The following CHD9 variants were observed in gnomAD, a reference collection of about 807,000 sequenced individuals.
CHD9 encodes the protein chromodomain helicase DNA binding protein 9, also known as ATP-dependent chromatin remodeler CHD9.
A neutral mutation model predicts 316.1 loss-of-function variants in CHD9; 77 were observed. That is an observed-to-expected ratio of 0.24 (90% CI 0.20 to 0.29). CHD9 has a LOEUF of 0.29. Ranked by LOEUF, CHD9 falls within the 10% of genes least tolerant of loss-of-function variation. CHD9 has a pLI of 1.00. For synonymous variants in CHD9, 1,129 were observed against 1,158.3 expected (o/e 0.97, Z 0.51); for missense variants, 2,763 against 3,438.1 (o/e 0.80, Z 4.91).
intron 1 of CHD9, among the ~76,000 whole-genome samples, chr16:53,148,318 T>C (rs1444805475): frequency 6.6e-6 from 1 of 152,244 alleles, no homozygotes; most frequent in Non-Finnish European, 1.5e-5. Flanking sequence ...GTCAGCTCAC[T>C]GCAGCCTTGG....
chr16:53,222,659 A>G lies in CHD9; in HGVS notation c.1800A>G (p.Thr600=), dbSNP rs371910318. ...EKTKIGKLII[T]LGKKQKRKNE... is the part of the protein sequence containing the mutation. ...CTTGAAACAGCAAACTCATTATTAC[A>G]TTGGGTAAGAAACAAAAAAGAAAGA... Residue 600 remains threonine (T), a synonymous_variant, in exon 4 of 39, where the codon ACA becomes ACG. Coordinates refer to ENST00000447540, the MANE Select transcript of CHD9 (RefSeq NM_001308319.2). 7.2e-6 allele frequency: 11 copies of G among 1,519,986 alleles called. No homozygotes were observed. Among genetic ancestry groups the G allele is most frequent in the Non-Finnish European group, 9.0e-6 (10 of 1,106,346 alleles). 94.2% of individuals were successfully genotyped at this position (1,519,986 alleles called of 1,614,324 possible). A position where few individuals can be genotyped will look rare whatever the true frequency, so the allele number is the denominator to read the frequency against.
chr16:53,116,866 A>T (rs551119614), intron 1 of CHD9, among the ~76,000 whole-genome samples: 1 of 152,234 alleles, frequency 6.6e-6, no homozygotes, highest in African/African-American at 2.4e-5. Context: ...AGTGTGGTAC[A>T]TTTAAACCAT....
chr16:53,152,432 T>C (rs2041196770), intron 1 of CHD9, among the ~76,000 whole-genome samples: 1 of 152,200 alleles, frequency 6.6e-6, no homozygotes, highest in Non-Finnish European at 1.5e-5. Flanking sequence ...GGCATCACTC[T>C]CTCATGCTTG....
Position 53,109,975 on chromosome 16 carries a change from C to T in CHD9, c.-164-45951C>T, listed in dbSNP as rs142952636. ...CTGGGATTACAGGCGTGAGCCACTG[C>T]GCCCGGCCTGGATTCCCAGTTTCTA... On this transcript the variant is annotated intron_variant, in intron 1 of 38. Coordinates refer to ENST00000447540, the MANE Select transcript of CHD9 (RefSeq NM_001308319.2). 2.9e-3 allele frequency among the ~76,000 whole-genome samples: 449 copies of T among 152,252 alleles called. 5 individuals are homozygous for T. Among genetic ancestry groups the T allele is most frequent in the African/African-American group, 0.01 (431 of 41,558 alleles).
intron 24 of CHD9, among the ~76,000 whole-genome samples, chr16:53,282,342 A>T (rs980706568): frequency 4.6e-5 from 7 of 152,174 alleles, no homozygotes; most frequent in African/African-American, 1.7e-4. Context: ...GTTCACAGTG[A>T]CCAGTCCTGT....
At chr16:53,263,211 TA>T (rs1314232529) in intron 20 of CHD9, 114 bp downstream of exon 20, 2 of 665,062 alleles carry the variant, frequency 3.0e-6, no homozygotes, top group African/African-American at 3.7e-5. Flanking sequence ...TCTAGATATA[TA>T]AATTGAAGTA....
At chr16:53,253,572 C>G (rs986478511) in intron 17 of CHD9, among the ~76,000 whole-genome samples, 1 of 151,904 alleles carries the variant, frequency 6.6e-6, no homozygotes, top group African/African-American at 2.4e-5. Flanking sequence ...ACCACCTGTA[C>G]CCCAATAACT....
At chr16:53,184,827 T>C (rs1456834972) in intron 2 of CHD9, among the ~76,000 whole-genome samples, 1 of 152,134 alleles carries the variant, frequency 6.6e-6, no homozygotes, top group African/African-American at 2.4e-5. Flanking sequence ...TCTGGTGATA[T>C]TGAGTTAGTT....
At chr16:53,149,775 G>T (rs1477925426) in intron 1 of CHD9, among the ~76,000 whole-genome samples, 2 of 124,278 alleles carry the variant, frequency 1.6e-5, no homozygotes, top group Non-Finnish European at 3.6e-5. Flanking sequence ...TCCCAGGCAG[G>T]TCTTGAACTC....
intron 1 of CHD9, among the ~76,000 whole-genome samples, chr16:53,105,052 A>T (rs1454470579): frequency 6.6e-6 from 1 of 152,090 alleles, no homozygotes; most frequent in Non-Finnish European, 1.5e-5. Context: ...CTAATTGCCC[A>T]GCCTGGTCTT....
At chr16:53,180,548 T>C (rs571254704) in intron 2 of CHD9, among the ~76,000 whole-genome samples, 3 of 152,200 alleles carry the variant, frequency 2.0e-5, no homozygotes, top group Non-Finnish European at 4.4e-5. Flanking sequence ...AAGAGACTTA[T>C]TGAAATGTAG....
At position 53,065,076 on chromosome 16, in the gene CHD9, G is replaced by T. The variant is rs1204270422; in HGVS notation, c.-165+9999G>T. Among the ~76,000 whole-genome samples the T allele has an allele frequency of 2.0e-5, 3 of 151,966 alleles. No homozygotes were observed. The East Asian group carries it at 5.8e-4, about 29-fold the overall frequency. On this transcript the variant is annotated intron_variant, in intron 1 of 38. Transcript: ENST00000447540. ...CAGTCTGAAACCTCCATGCTGACTT[G>T]TCAGCACACTCTTTCTCCTGTGGGA...
chr16:53,100,839 AT>A (rs2036811509), intron 1 of CHD9, among the ~76,000 whole-genome samples: 1 of 152,170 alleles, frequency 6.6e-6, no homozygotes, highest in African/African-American at 2.4e-5. Flanking sequence ...TCTGTCTCCA[AT>A]CTGTAATATG....
chr16:53,176,294 A>C (rs911837480), intron 2 of CHD9, among the ~76,000 whole-genome samples: 1 of 152,156 alleles, frequency 6.6e-6, no homozygotes, highest in Non-Finnish European at 1.5e-5. Context: ...CTCACGTTGT[A>C]TCACCCTAAT....
chr16:53,219,073 T>C (rs1335673427), intron 3 of CHD9, among the ~76,000 whole-genome samples: 1 of 152,158 alleles, frequency 6.6e-6, no homozygotes, highest in Non-Finnish European at 1.5e-5. Context: ...AACTAATGCC[T>C]TGTTTCTTGA....
chr16:53,173,644 A>C (rs1281248952), intron 2 of CHD9, among the ~76,000 whole-genome samples: 1 of 151,848 alleles, frequency 6.6e-6, no homozygotes, highest in Non-Finnish European at 1.5e-5. Context: ...TCCCGGATTC[A>C]CACCATTCTC....
At chr16:53,294,919 A>G (rs1026033958) in intron 29 of CHD9, among the ~76,000 whole-genome samples, 1 of 152,218 alleles carries the variant, frequency 6.6e-6, no homozygotes, top group African/African-American at 2.4e-5. Context: ...TAAGTTCTTA[A>G]GCCTAAGTTT....
intron 20 of CHD9, among the ~76,000 whole-genome samples, chr16:53,264,894 A>T (rs1306398798): frequency 6.6e-6 from 1 of 152,200 alleles, no homozygotes; most frequent in African/African-American, 2.4e-5. Flanking sequence ...GTGGTAATAG[A>T]TGAGGTCAGA....
intron 26 of CHD9, among the ~76,000 whole-genome samples, chr16:53,287,316 T>G (rs779186638): frequency 6.6e-6 from 1 of 152,216 alleles, no homozygotes; most frequent in Non-Finnish European, 1.5e-5. Flanking sequence ...TTTATAGATA[T>G]GAAACCCACA....
Sources: allele counts gnomAD v4.1 joint callset (sites outside exome capture counted in the v4.1 genomes callset), GRCh38; gene constraint gnomAD v4.1.1; transcripts MANE v1.5; gene names NCBI Gene and HGNC (gene_info 2026-07-23, HGNC 2026-07-21).